The following KCNH8 variants were observed in gnomAD, a reference collection of about 807,000 sequenced individuals.
KCNH8 encodes voltage-gated delayed rectifier potassium channel KCNH8.
KCNH8 carries 70 observed loss-of-function variants against 103.6 expected under a neutral mutation model. The observed-to-expected ratio is 0.68, with a 90% CI of 0.56 to 0.82. The LOEUF is 0.82. Ranked by LOEUF, KCNH8 falls within the 40% of genes least tolerant of loss-of-function variation. KCNH8 has a pLI of 0.00. For synonymous variants in KCNH8, 498 were observed against 489.4 expected (o/e 1.02, Z -0.23); for missense variants, 1,217 against 1,329.9 (o/e 0.92, Z 1.32).
At chr3:19,259,164 G>A (rs2064394791) in intron 2 of KCNH8, among the ~76,000 whole-genome samples, 1 of 150,976 alleles carries the variant, frequency 6.6e-6, no homozygotes, top group Admixed American at 6.6e-5. Context: ...CCATTTCTGT[G>A]TGTATACCTC....
At chr3:19,208,418 C>G (rs2063737797) in intron 1 of KCNH8, among the ~76,000 whole-genome samples, 1 of 151,952 alleles carries the variant, frequency 6.6e-6, no homozygotes. Flanking sequence ...AATAAATTCA[C>G]TCTCTCTTTG....
chr3:19,153,361 G>T (rs936470101), intron 1 of KCNH8, among the ~76,000 whole-genome samples: 5 of 152,076 alleles, frequency 3.3e-5, no homozygotes, highest in African/African-American at 1.2e-4. Context: ...AATTGAAATT[G>T]TGTCCACGAT....
At chr3:19,156,286 A>G (rs879834324) in intron 1 of KCNH8, among the ~76,000 whole-genome samples, 3 of 152,208 alleles carry the variant, frequency 2.0e-5, no homozygotes, top group Non-Finnish European at 4.4e-5. Context: ...CAAAGATGAC[A>G]AAATTCAAGC....
intron 1 of KCNH8, among the ~76,000 whole-genome samples, chr3:19,228,330 G>A (rs1183132674): frequency 3.9e-5 from 6 of 152,114 alleles, no homozygotes; most frequent in African/African-American, 1.4e-4. Context: ...TTAGTTGCTG[G>A]CCTTTTACGG....
chr3:19,486,192 G>T (rs1320524809), intron 11 of KCNH8, among the ~76,000 whole-genome samples: 1 of 152,218 alleles, frequency 6.6e-6, no homozygotes, highest in Non-Finnish European at 1.5e-5. Flanking sequence ...TGAAGGTCAG[G>T]TCTGCTAGAA....
At chr3:19,521,285 T>G (rs529695401) in intron 15 of KCNH8, among the ~76,000 whole-genome samples, 2 of 152,144 alleles carry the variant, frequency 1.3e-5, no homozygotes, top group East Asian at 3.9e-4. Context: ...GAGAATTCAC[T>G]TTGGAAAGAG....
intron 11 of KCNH8, among the ~76,000 whole-genome samples, chr3:19,486,878 C>T (rs1326750520): frequency 6.6e-6 from 1 of 152,180 alleles, no homozygotes; most frequent in East Asian, 1.9e-4. Context: ...TGACTCCAGG[C>T]TGCGCTCCCC....
At chr3:19,208,795 G>C (rs1208241355) in intron 1 of KCNH8, among the ~76,000 whole-genome samples, 13 of 151,948 alleles carry the variant, frequency 8.6e-5, no homozygotes, top group Non-Finnish European at 1.5e-5. Context: ...TGTTGATGTT[G>C]GTAATACTCC....
Position 19,246,983 on chromosome 3 carries a change from C to T in KCNH8, c.77-6671C>T, listed in dbSNP as rs187215206. ...ATAAACAGATGCGGTTTTCTGCTTT[C>T]TACTACTACCTCAGCACTAGAGTTC... On this transcript the variant is annotated intron_variant, in intron 1 of 15. Transcript: ENST00000328405. Among the ~76,000 whole-genome samples the T allele has an allele frequency of 4.5e-4, 68 of 152,292 alleles. 1 individual carries two copies. The highest frequency in any genetic ancestry group is 3.5e-3 in the East Asian group (18 of 5,184).
intron 1 of KCNH8, among the ~76,000 whole-genome samples, chr3:19,196,468 A>G (rs1275514056): frequency 6.6e-6 from 1 of 151,956 alleles, no homozygotes; most frequent in Non-Finnish European, 1.5e-5. Flanking sequence ...ATGAAAAAAA[A>G]AAAGATCTTG....
At chr3:19,458,980 T>A (rs565949229) in intron 11 of KCNH8, among the ~76,000 whole-genome samples, 1 of 152,148 alleles carries the variant, frequency 6.6e-6, no homozygotes, top group South Asian at 2.1e-4. Flanking sequence ...ATACCACATT[T>A]TCTTTATTCA....
intron 1 of KCNH8, among the ~76,000 whole-genome samples, chr3:19,243,539 T>TG (rs923453678): frequency 6.6e-6 from 1 of 152,180 alleles, no homozygotes; most frequent in African/African-American, 2.4e-5. Context: ...AGGAGACAGA[T>TG]GAGGTTTTGG....
At chr3:19,380,486 T>C (rs2066273894) in intron 5 of KCNH8, among the ~76,000 whole-genome samples, 1 of 152,206 alleles carries the variant, frequency 6.6e-6, no homozygotes, top group African/African-American at 2.4e-5. Flanking sequence ...TTCCTGTGGC[T>C]ATTTGGATTT....
At chr3:19,472,518 G>A (rs554992187) in intron 11 of KCNH8, among the ~76,000 whole-genome samples, 2 of 152,202 alleles carry the variant, frequency 1.3e-5, no homozygotes, top group Non-Finnish European at 2.9e-5. Flanking sequence ...CTTTTTACCT[G>A]CTGCCATCCA....
At chr3:19,384,994 G>T (rs2066337302) in intron 5 of KCNH8, among the ~76,000 whole-genome samples, 1 of 152,084 alleles carries the variant, frequency 6.6e-6, no homozygotes, top group Non-Finnish European at 1.5e-5. Flanking sequence ...CCAAACTAGA[G>T]AGTATCATCG....
chr3:19,195,759 CAAGA>C (rs1261758485), intron 1 of KCNH8, among the ~76,000 whole-genome samples: 2 of 151,940 alleles, frequency 1.3e-5, no homozygotes, highest in Non-Finnish European at 2.9e-5. Flanking sequence ...GCAAGTGACT[CAAGA>C]AAGAAAGATC....
intron 11 of KCNH8, among the ~76,000 whole-genome samples, chr3:19,476,443 T>A (rs1471424638): frequency 1.3e-5 from 2 of 152,184 alleles, no homozygotes; most frequent in Non-Finnish European, 2.9e-5. Flanking sequence ...AAATACTCGG[T>A]GGGTATCCTG....
intron 7 of KCNH8, among the ~76,000 whole-genome samples, chr3:19,398,537 T>C (rs1306773712): frequency 6.6e-6 from 1 of 151,950 alleles, no homozygotes; most frequent in African/African-American, 2.4e-5. Context: ...TTAAAGACTG[T>C]GCTAAGCTTT....
intron 7 of KCNH8, among the ~76,000 whole-genome samples, chr3:19,406,574 A>G (rs989857605): frequency 6.6e-6 from 1 of 152,130 alleles, no homozygotes; most frequent in Admixed American, 6.6e-5. Context: ...ATTAGCCCAG[A>G]TGTTGTGAGA....
Sources: gnomAD v4.1 joint callset for allele counts (sites outside exome capture counted in the v4.1 genomes callset) on GRCh38, gnomAD v4.1.1 for gene constraint, MANE v1.5 for transcripts, NCBI Gene and HGNC (gene_info 2026-07-23, HGNC 2026-07-21) for gene names.